Variants in PCNX1 observed in about 807,000 individuals in gnomAD.
The protein encoded by PCNX1 is pecanex-like protein 1.
A neutral mutation model predicts 242.2 loss-of-function variants in PCNX1; 78 were observed. The ratio of observed to expected loss-of-function variants is 0.32; its 90% CI spans 0.27 to 0.39. The LOEUF (loss-of-function observed/expected upper bound fraction) is 0.39, where lower values mean the gene tolerates loss of function less well. PCNX1 is among the 10% of genes least tolerant of loss of function. The probability of loss-of-function intolerance (pLI) is 1.00; values close to 1 mark genes in which losing one functional copy is unlikely to be tolerated. For missense variants in PCNX1, 2,581 were observed against 2,856.5 expected, an observed-to-expected ratio of 0.90 and a Z score of 2.20; for synonymous variants, 1,024 against 1,032.9, an observed-to-expected ratio of 0.99 and a Z score of 0.17.
chr14:71,087,662 A>G (rs922795294), intron 28 of PCNX1, among the ~76,000 whole-genome samples: 6 of 152,196 alleles, frequency 3.9e-5, no homozygotes, highest in Admixed American at 6.5e-5. Context: ...TCTTAGGACT[A>G]TACTTTGAGA....
intron 28 of PCNX1, among the ~76,000 whole-genome samples, chr14:71,087,277 C>T (rs368141071): frequency 2.6e-5 from 4 of 151,996 alleles, no homozygotes; most frequent in South Asian, 2.1e-4. Context: ...AACTAGAGTA[C>T]GTGCTGTAAG....
chr14:70,974,594 A>G (rs1272975977), intron 5 of PCNX1, among the ~76,000 whole-genome samples: 2 of 152,234 alleles, frequency 1.3e-5, no homozygotes, highest in Non-Finnish European at 2.9e-5. Context: ...ATAAGGTGAC[A>G]TGAACAACTT....
At chr14:70,943,879 G>A (rs1440534672) in intron 1 of PCNX1, among the ~76,000 whole-genome samples, 4 of 152,222 alleles carry the variant, frequency 2.6e-5, no homozygotes, top group Non-Finnish European at 5.9e-5. Context: ...TCAGGCTGTT[G>A]CTTCAGAGGG....
At chr14:70,923,689 A>G (rs1423576170) in intron 1 of PCNX1, among the ~76,000 whole-genome samples, 1 of 152,200 alleles carries the variant, frequency 6.6e-6, no homozygotes, top group Non-Finnish European at 1.5e-5. Context: ...TATATCTTAA[A>G]CATCTGTCCA....
Position 71,108,668 on chromosome 14 carries a change from A to C in PCNX1, c.6366A>C (p.Ser2122=). The change falls in exon 34 of 36, where the codon TCA becomes TCC. Residue 2122 remains serine, a synonymous_variant. Coordinates refer to ENST00000304743, the MANE Select transcript of PCNX1 (RefSeq NM_014982.3). ...TCAGACAGTCTCCTGCCCGGGCCTC[A>C]GTAGCCAGCCAGTCTTCCTACTGCT... The part of the protein sequence containing the change: ...GLVRQSPARA[S]VASQSSYCYS... 3 of 1,614,222 alleles carry C rather than the reference A, an allele frequency of 1.9e-6. No individual in the cohort carries two copies. The highest frequency in any genetic ancestry group is 2.5e-6 in the Non-Finnish European group (3 of 1,180,042).
intron 3 of PCNX1, among the ~76,000 whole-genome samples, chr14:70,967,344 C>T (rs2058410986): frequency 6.6e-6 from 1 of 152,198 alleles, no homozygotes; most frequent in South Asian, 2.1e-4. Context: ...TTTTATTTTA[C>T]AGTGCTAACT....
chr14:70,973,134 G>A (rs2058590462), intron 5 of PCNX1, among the ~76,000 whole-genome samples: 1 of 151,452 alleles, frequency 6.6e-6, no homozygotes, highest in African/African-American at 2.4e-5. Context: ...TGTACCTGTA[G>A]CTCAGCTACC....
chr14:70,910,055 T>TCCC (rs1430220160), intron 1 of PCNX1, among the ~76,000 whole-genome samples: 9 of 51,618 alleles, frequency 1.7e-4, no homozygotes, highest in South Asian at 8.7e-4. Context: ...CTCCTCCTCC[T>TCCC]CCTCCTCCCC....
intron 7 of PCNX1, among the ~76,000 whole-genome samples, chr14:70,993,466 G>A (rs975299306): frequency 1.3e-5 from 2 of 152,110 alleles, no homozygotes; most frequent in African/African-American, 4.8e-5. Flanking sequence ...TAAATTGATA[G>A]TCAAAACCCT....
chr14:71,055,369 C>T (rs1258096939), intron 24 of PCNX1, 135 bp from the exon 25 acceptor site: 4 of 579,252 alleles, frequency 6.9e-6, no homozygotes, highest in African/African-American at 5.7e-5. Flanking sequence ...TTATACTAAT[C>T]ACAGATTTTT....
chr14:71,008,251 G>C (rs764484495), intron 8 of PCNX1, among the ~76,000 whole-genome samples: 9 of 151,958 alleles, frequency 5.9e-5, no homozygotes, highest in Admixed American at 2.0e-4. Flanking sequence ...CCTTTTATTA[G>C]CATTTTTTCA....
chr14:71,088,394 G>A lies in PCNX1; in HGVS notation c.5402G>A (p.Arg1801Gln), dbSNP rs1204399315. 3 of 1,611,310 alleles carry A rather than the reference G, an allele frequency of 1.9e-6. No individual in the cohort carries two copies. The highest frequency in any genetic ancestry group is 2.5e-6 in the Non-Finnish European group (3 of 1,177,686). Residue 1801 changes from arginine to glutamine, a missense_variant, in exon 29 of 36, where the codon CGG becomes CAG. Transcript: ENST00000304743. ...TGTTATGGACTCTGTGTTCTGGGAC[G>A]GAGAGCTTTGGGGACTGCATCCCAT... ...TLCYGLCVLGRRALGTASHHM... is the reference protein window; with the variant it reads ...TLCYGLCVLGQRALGTASHHM...
At chr14:71,008,936 T>C (rs1249973105) in intron 8 of PCNX1, among the ~76,000 whole-genome samples, 1 of 152,186 alleles carries the variant, frequency 6.6e-6, no homozygotes, top group Non-Finnish European at 1.5e-5. Context: ...TTTTATATTA[T>C]AAAGTTCATC....
rs768860468 is a variant in PCNX1 at position 71,046,949 on chromosome 14, A to G, written c.4019-15A>G. On this transcript the variant is annotated splice_polypyrimidine_tract_variant and intron_variant, in intron 20 of 35. Coordinates refer to ENST00000304743, the MANE Select transcript of PCNX1 (RefSeq NM_014982.3). ...ATTTGATGACATGTAGTCTTGATTT[A>G]TACTGCCTTGTTAGATGCAGCCACT... is the stretch of plus-strand genomic sequence containing the variant. 1.1e-5 allele frequency: 18 copies of G among 1,597,672 alleles called. No individual in the cohort carries two copies. In the Admixed American group the frequency reaches 1.9e-4, roughly 17 times the overall value.
At chr14:71,024,201 G>C (rs1282093081) in intron 13 of PCNX1, among the ~76,000 whole-genome samples, 2 of 151,944 alleles carry the variant, frequency 1.3e-5, no homozygotes, top group Non-Finnish European at 2.9e-5. Context: ...AAATATCTCA[G>C]TGTGTTTCTT....
At chr14:71,100,909 T>C (rs1228470002) in intron 30 of PCNX1, among the ~76,000 whole-genome samples, 2 of 152,206 alleles carry the variant, frequency 1.3e-5, no homozygotes, top group Non-Finnish European at 2.9e-5. Flanking sequence ...TAAGCCTCTT[T>C]AAGCTTCAGT....
chr14:71,064,995 C>T (rs2061413530), intron 26 of PCNX1, among the ~76,000 whole-genome samples: 1 of 152,208 alleles, frequency 6.6e-6, no homozygotes, highest in African/African-American at 2.4e-5. Flanking sequence ...ATATATGCCA[C>T]ATTTTCTTTA....
At chr14:71,086,636 A>T (rs1431942380) in intron 28 of PCNX1, among the ~76,000 whole-genome samples, 1 of 152,118 alleles carries the variant, frequency 6.6e-6, no homozygotes, top group Non-Finnish European at 1.5e-5. Flanking sequence ...CATTCGGATG[A>T]TTCTTTTCTC....
chr14:71,113,809 AT>A lies in PCNX1; in HGVS notation c.*3878del, dbSNP rs2062801224. On this transcript the variant is annotated 3_prime_UTR_variant, in exon 36 of 36. Transcript: ENST00000304743. The stretch of plus-strand genomic sequence containing the variant: ...CAGATTGTTAATTTCATTTATATTT[AT>A]TTTAATTAATTTGTCATGAATATGG... The A allele has an allele frequency of 6.6e-6, 1 of 152,110 alleles. No individual in the cohort carries two copies. The highest frequency in any genetic ancestry group is 1.5e-5 in the Non-Finnish European group (1 of 67,994). 9.4% of individuals were successfully genotyped at this position (152,110 alleles called of 1,614,324 possible). A position where few individuals can be genotyped will look rare whatever the true frequency, so the allele number is the denominator to read the frequency against.
Sources: gnomAD v4.1 joint callset for allele counts (sites outside exome capture counted in the v4.1 genomes callset) on GRCh38, gnomAD v4.1.1 for gene constraint, MANE v1.5 for transcripts, NCBI Gene and HGNC (gene_info 2026-07-23, HGNC 2026-07-21) for gene names.